MRPS28: variants seen among roughly 807,000 people sequenced by gnomAD.
MRPS28 encodes the protein small ribosomal subunit protein bS1m.
MRPS28 carries 7 observed loss-of-function variants against 10.8 expected under a neutral mutation model. The ratio of observed to expected loss-of-function variants is 0.65; its 90% CI spans 0.37 to 1.22. The LOEUF is 1.22. Among genes scored for constraint, MRPS28 ranks in the 50% most tolerant of loss-of-function variants. MRPS28 has a pLI of 0.02. For synonymous variants in MRPS28, 121 were observed against 93.3 expected, an observed-to-expected ratio of 1.30 and a Z score of -1.71; for missense variants, 265 against 232.9, an observed-to-expected ratio of 1.14 and a Z score of -0.90.
At chr8:79,966,078 G>T (rs1807496063) in intron 2 of MRPS28, among the ~76,000 whole-genome samples, 1 of 151,840 alleles carries the variant, frequency 6.6e-6, no homozygotes, top group Admixed American at 6.6e-5. Context: ...CTCCTAAAAA[G>T]AAAGAAACAT....
chr8:80,030,164 C>T lies in MRPS28; in HGVS notation c.85G>A (p.Val29Ile). The change falls in exon 1 of 3, where the codon GTA becomes ATA. Residue 29 changes from valine to isoleucine, a missense_variant. Val to Ile is a conservative substitution (Grantham distance 29, BLOSUM62 3). Coordinates refer to ENST00000276585, the MANE Select transcript of MRPS28 (RefSeq NM_014018.3). ...CTTTCGGATCCACTCTCAGTGCCTA[C>T]ACCCCGAAAGGGCCTGAAGAAGAGA... is the stretch of plus-strand genomic sequence containing the variant. ...VFLFFRPFRG[V>I]GTESGSESGS... is the part of the protein sequence containing the mutation. The T allele has an allele frequency of 6.2e-7, 1 of 1,613,586 alleles. No homozygotes were observed. Among genetic ancestry groups the T allele is most frequent in the Non-Finnish European group, 8.5e-7 (1 of 1,180,036 alleles).
At chr8:79,939,501 T>C (rs754019320) in intron 2 of MRPS28, among the ~76,000 whole-genome samples, 21 of 152,070 alleles carry the variant, frequency 1.4e-4, no homozygotes, top group Non-Finnish European at 2.1e-4. Context: ...TTAAGAAAAA[T>C]CTACTATTAA....
At chr8:80,023,316 A>G (rs1809417218) in intron 1 of MRPS28, among the ~76,000 whole-genome samples, 1 of 152,224 alleles carries the variant, frequency 6.6e-6, no homozygotes, top group African/African-American at 2.4e-5. Context: ...CAAAGGGTTA[A>G]GTAAAACTAT....
At chr8:79,945,277 C>A (rs1806880104) in intron 2 of MRPS28, among the ~76,000 whole-genome samples, 1 of 152,052 alleles carries the variant, frequency 6.6e-6, no homozygotes. Flanking sequence ...CACCATAAGG[C>A]AATGTATTTA....
intron 2 of MRPS28, among the ~76,000 whole-genome samples, chr8:79,954,221 T>C (rs916617701): frequency 6.6e-6 from 1 of 151,996 alleles, no homozygotes; most frequent in African/African-American, 2.4e-5. Flanking sequence ...AAAAAAAAAT[T>C]AAAAATTAAA....
intron 2 of MRPS28, among the ~76,000 whole-genome samples, chr8:79,928,804 T>G (rs1806374891): frequency 1.1e-4 from 16 of 151,000 alleles, no homozygotes; most frequent in Non-Finnish European, 1.3e-4. Flanking sequence ...CCCAGCACTT[T>G]GGAGCTGAGT....
chr8:80,021,782 A>T (rs1452292423), intron 1 of MRPS28, among the ~76,000 whole-genome samples: 1 of 152,194 alleles, frequency 6.6e-6, no homozygotes, highest in East Asian at 1.9e-4. Flanking sequence ...TTTAAAAAAA[A>T]TTAACTTTCT....
In MRPS28 at chr8:79,931,302, A is replaced by G. The variant is rs1488960852; in HGVS notation, c.396-12154T>C. ...GTCCTTGCCCATTTGGACTTCCTAA[A>G]TCAGTGGTTATGACATAGAAAAAGA... On this transcript the variant is annotated intron_variant, in intron 2 of 2. Coordinates refer to ENST00000276585, the MANE Select transcript of MRPS28 (RefSeq NM_014018.3). Among the ~76,000 whole-genome samples, 3 of 152,190 alleles carry G rather than the reference A, an allele frequency of 2.0e-5. No homozygotes were observed. In the South Asian group the frequency reaches 6.2e-4, roughly 32 times the overall value.
At chr8:79,986,373 G>T (rs1371081562) in intron 2 of MRPS28, among the ~76,000 whole-genome samples, 8 of 152,180 alleles carry the variant, frequency 5.3e-5, no homozygotes, top group African/African-American at 1.7e-4. Flanking sequence ...ACAAGGCAGG[G>T]ATGCCCTCTC....
chr8:79,992,406 T>C, intron 2 of MRPS28, among the ~76,000 whole-genome samples: 1 of 152,192 alleles, frequency 6.6e-6, no homozygotes, highest in East Asian at 1.9e-4. Flanking sequence ...TCTCTATCCT[T>C]CGGTATCTAA....
chr8:79,932,103 T>G (rs944560431), intron 2 of MRPS28, among the ~76,000 whole-genome samples: 4 of 152,130 alleles, frequency 2.6e-5, no homozygotes, highest in African/African-American at 9.7e-5. Context: ...TCAAAAATGT[T>G]TTTTAGAGGC....
intron 2 of MRPS28, among the ~76,000 whole-genome samples, chr8:79,955,067 C>G (rs1807169490): frequency 6.6e-6 from 1 of 152,126 alleles, no homozygotes; most frequent in African/African-American, 2.4e-5. Context: ...GTGAGGCACA[C>G]CCTTAAGTTC....
intron 1 of MRPS28, among the ~76,000 whole-genome samples, chr8:80,029,361 C>G (rs376918297): frequency 2.6e-5 from 4 of 152,242 alleles, no homozygotes; most frequent in East Asian, 1.9e-4. Flanking sequence ...GTATATAATT[C>G]AATTTCATGT....
chr8:79,943,258 G>A (rs1360636421), intron 2 of MRPS28, among the ~76,000 whole-genome samples: 1 of 152,214 alleles, frequency 6.6e-6, no homozygotes, highest in Non-Finnish European at 1.5e-5. Flanking sequence ...GAAGGCAGCT[G>A]CTTGCCTGTC....
chr8:79,953,219 C>T (rs1807122306), intron 2 of MRPS28, among the ~76,000 whole-genome samples: 1 of 152,152 alleles, frequency 6.6e-6, no homozygotes, highest in Non-Finnish European at 1.5e-5. Flanking sequence ...ACTCCAGTTG[C>T]GTATTCCATG....
chr8:79,922,948 C>T (rs981017657), intron 2 of MRPS28, among the ~76,000 whole-genome samples: 15 of 152,036 alleles, frequency 9.9e-5, no homozygotes, highest in African/African-American at 3.6e-4. Flanking sequence ...TATGATTAGT[C>T]TCCACATAAT....
chr8:80,019,184 T>C (rs1275522552), intron 1 of MRPS28, among the ~76,000 whole-genome samples: 2 of 151,620 alleles, frequency 1.3e-5, no homozygotes, highest in Non-Finnish European at 2.9e-5. Context: ...TATTTAAAAA[T>C]AACTAAAAGA....
chr8:80,016,538 T>C (rs1809201025), intron 1 of MRPS28, among the ~76,000 whole-genome samples: 1 of 152,100 alleles, frequency 6.6e-6, no homozygotes, highest in African/African-American at 2.4e-5. Flanking sequence ...AGACCTGCCT[T>C]GCAAGAAATG....
chr8:80,011,087 T>C (rs533964886), intron 1 of MRPS28, among the ~76,000 whole-genome samples: 1 of 151,414 alleles, frequency 6.6e-6, no homozygotes, highest in East Asian at 2.0e-4. Flanking sequence ...TTAGAGGTAG[T>C]GTAAAAGAGT....
Sources: allele counts gnomAD v4.1 joint callset (sites outside exome capture counted in the v4.1 genomes callset), GRCh38; gene constraint gnomAD v4.1.1; transcripts MANE v1.5; gene names NCBI Gene and HGNC (gene_info 2026-07-23, HGNC 2026-07-21).